SPG7: variants seen among roughly 807,000 people sequenced by gnomAD.
SPG7 encodes the protein SPG7 matrix AAA peptidase subunit, paraplegin.
Under a neutral mutation model 81.9 loss-of-function variants are expected in SPG7, and 103 were observed. The ratio of observed to expected loss-of-function variants is 1.26; its 90% CI spans 1.07 to 1.48. The LOEUF (loss-of-function observed/expected upper bound fraction) is 1.48, where lower values mean the gene tolerates loss of function less well. Among genes scored for constraint, SPG7 ranks in the 40% most tolerant of loss-of-function variants. The pLI is 0.00. For missense variants in SPG7, 1,241 were observed against 1,087.3 expected (o/e 1.14, Z -1.99); for synonymous variants, 534 against 444.2 (o/e 1.20, Z -2.54).
intron 16 of SPG7, chr16:89,554,802 C>T (rs2058670624): frequency 7.7e-6 from 4 of 520,618 alleles, no homozygotes; most frequent in Non-Finnish European, 1.4e-5. Flanking sequence ...GTGCCTCTTC[C>T]TGCCATTAGC....
intron 16 of SPG7, 142 bp downstream of exon 16, chr16:89,554,705 A>C (rs990387766): frequency 5.9e-6 from 4 of 676,764 alleles, no homozygotes; most frequent in Admixed American, 4.3e-5. Context: ...TACCCAGCTC[A>C]ACTGAAACTT....
chr16:89,541,373 A>G, intron 9 of SPG7: 2 of 951,560 alleles, frequency 2.1e-6, no homozygotes, highest in Non-Finnish European at 2.5e-6. Context: ...TTAGTATCGT[A>G]TGACTCCACT....
intron 9 of SPG7, among the ~76,000 whole-genome samples, chr16:89,534,395 G>A (rs1477809780): frequency 6.6e-6 from 1 of 152,214 alleles, no homozygotes; most frequent in African/African-American, 2.4e-5. Flanking sequence ...CTTGTTATTT[G>A]CCCGTCGGTG....
chr16:89,519,593 G>C (rs1423170385), intron 3 of SPG7: 1 of 120,730 alleles, frequency 8.3e-6, no homozygotes. Context: ...TGTTGGTCAG[G>C]CTTGTCTCAG....
At chr16:89,529,785 C>G (rs896746598) in intron 6 of SPG7, 3 of 634,224 alleles carry the variant, frequency 4.7e-6, no homozygotes, top group Non-Finnish European at 8.6e-6. Context: ...CCTCTCACCC[C>G]TAACTCTGGG....
chr16:89,535,656 T>G (rs1222103430), intron 9 of SPG7, among the ~76,000 whole-genome samples: 1 of 152,208 alleles, frequency 6.6e-6, no homozygotes, highest in Non-Finnish European at 1.5e-5. Context: ...GAGGTGTCAC[T>G]GAGGAGAGAC....
chr16:89,538,783 A>G (rs1278672032), intron 9 of SPG7: 2 of 152,314 alleles, frequency 1.3e-5, no homozygotes, highest in African/African-American at 4.8e-5. Flanking sequence ...CTCTGACCCA[A>G]AAACATCCCC....
intron 6 of SPG7, chr16:89,530,457 T>A (rs1041715324): frequency 1.7e-5 from 10 of 598,946 alleles, no homozygotes; most frequent in African/African-American, 1.3e-4. Flanking sequence ...TAATTTTTTT[T>A]AAAGCAAATT....
rs1041145036 is a variant in SPG7, at chr16:89,532,189, C to G, written c.1150+123C>G. On this transcript the variant is annotated intron_variant, in intron 8 of 16. Coordinates refer to ENST00000645818, the MANE Select transcript of SPG7 (RefSeq NM_003119.4). ...TGGGTGGGGGAGTAGAGAAGGAAAG[C>G]GAGGTCTGGGTTGGCGGAGGGGTTT... is the stretch of plus-strand genomic sequence containing the variant. 1.7e-5 allele frequency: 19 copies of G among 1,143,794 alleles called. No homozygotes were observed. In the African/African-American group the frequency reaches 2.7e-4, roughly 17 times the overall value. 70.9% of individuals were successfully genotyped at this position (1,143,794 alleles called of 1,614,324 possible).
At chr16:89,556,620 GA>G (rs1368337199) in intron 16 of SPG7, 28 of 493,058 alleles carry the variant, frequency 5.7e-5, no homozygotes. Context: ...TTTGGTGAAA[GA>G]AATTGCAGTT....
chr16:89,547,474 C>G (rs573057180), intron 11 of SPG7: 59 of 191,162 alleles, frequency 3.1e-4, no homozygotes, highest in African/African-American at 1.3e-3. Flanking sequence ...CCGCTCTCCC[C>G]ACCCCTGCTC....
chr16:89,513,646 C>T (rs1326430961), intron 3 of SPG7, among the ~76,000 whole-genome samples: 25 of 152,134 alleles, frequency 1.6e-4, no homozygotes. Flanking sequence ...AGCTTGAGCC[C>T]AGGAGTTGGA....
In SPG7 at chr16:89,524,224, G is replaced by A. The variant is rs1359418549; in HGVS notation, c.595G>A (p.Gly199Arg). 1.2e-6 allele frequency: 2 copies of A among 1,612,242 alleles called. No individual in the cohort carries two copies. The highest frequency in any genetic ancestry group is 1.7e-6 in the Non-Finnish European group (2 of 1,179,226). ...CGTGGTGGAAGTCTACCTGCACCCT[G>A]GAGCCGTGGTGTTTGGGCGGCCTGT... ...SDVVEVYLHP[G>R]AVVFGRPRLA... The change falls in exon 4 of 17, where the codon GGA becomes AGA. Residue 199 changes from glycine (G) to arginine (R), a missense_variant. Transcript: ENST00000645818.
At position 89,523,991 on chromosome 16, in the gene SPG7, T is replaced by C. The variant is rs1361705594; in HGVS notation, c.377-15T>C. The C allele has an allele frequency of 4.3e-6, 7 of 1,611,036 alleles. No homozygotes were observed. In the South Asian group the frequency reaches 5.5e-5, roughly 13 times the overall value. On this transcript the variant is annotated splice_polypyrimidine_tract_variant and intron_variant, in intron 3 of 16. Coordinates refer to ENST00000645818, the MANE Select transcript of SPG7 (RefSeq NM_003119.4). ...CATGTGTTTGTTTCTCCCTTTTGCT[T>C]CTCTGCCGGCTCAGAGGAGAGGAGA... is the stretch of plus-strand genomic sequence containing the variant.
intron 3 of SPG7, among the ~76,000 whole-genome samples, chr16:89,516,296 T>G (rs1317548694): frequency 6.6e-6 from 1 of 151,986 alleles, no homozygotes; most frequent in Non-Finnish European, 1.5e-5. Flanking sequence ...CCGTTCGTTT[T>G]TTTAATAAAA....
intron 3 of SPG7, chr16:89,517,685 T>C (rs964362902): frequency 6.7e-5 from 10 of 149,300 alleles, no homozygotes; most frequent in African/African-American, 2.5e-4. Flanking sequence ...AATGCCACGA[T>C]CTCGGCTCAT....
In SPG7 at chr16:89,549,617, G is replaced by A. The variant is rs889167074; in HGVS notation, c.1664-877G>A. The A allele has an allele frequency of 3.4e-5, 8 of 234,206 alleles. No homozygotes were observed. The East Asian group carries it at 4.6e-4, about 14-fold the overall frequency. 14.5% of individuals were successfully genotyped at this position (234,206 alleles called of 1,614,324 possible). ...TGGGAGGTTGAAGCAACAGTGAGCC[G>A]TGATCGCACCACTGCCCTCCAGCCT... On this transcript the variant is annotated intron_variant, in intron 12 of 16. Coordinates refer to ENST00000645818, the MANE Select transcript of SPG7 (RefSeq NM_003119.4).
chr16:89,545,852 A>ATT (rs34306835), intron 10 of SPG7: 3 of 416,292 alleles, frequency 7.2e-6, no homozygotes, highest in African/African-American at 4.2e-5. Flanking sequence ...TTTCTTTTTA[A>ATT]TTTTTCTTTC....
Position 89,530,776 on chromosome 16 carries a change from C to T in SPG7, c.955C>T (p.Leu319=). The T allele has an allele frequency of 6.2e-7, 1 of 1,614,196 alleles. No homozygotes were observed. Among genetic ancestry groups the T allele is most frequent in the Non-Finnish European group, 8.5e-7 (1 of 1,180,034 alleles). Residue 319 remains leucine (L), a synonymous_variant, in exon 7 of 17, where the codon CTG becomes TTG. Coordinates refer to ENST00000645818, the MANE Select transcript of SPG7 (RefSeq NM_003119.4). ...CGTGGCAGGAATGCACGAAGCCAAA[C>T]TGGAAGTCCGCGAGTTTGTGGATTA... is the stretch of plus-strand genomic sequence containing the variant. ...KDVAGMHEAK[L]EVREFVDYLK...
Sources: allele counts gnomAD v4.1 joint callset (sites outside exome capture counted in the v4.1 genomes callset), GRCh38; gene constraint gnomAD v4.1.1; transcripts MANE v1.5; gene names NCBI Gene and HGNC (gene_info 2026-07-23, HGNC 2026-07-21).